Variants in NUP214 observed in about 807,000 individuals in gnomAD.
NUP214 encodes the protein nucleoporin 214.
In NUP214, 79 loss-of-function variants were observed where a neutral mutation model predicts 196.2. That is an observed-to-expected ratio of 0.40 (90% CI 0.34 to 0.49). The LOEUF (loss-of-function observed/expected upper bound fraction) is 0.49. NUP214 is among the 20% of genes least tolerant of loss of function. The probability of loss-of-function intolerance (pLI) is 0.58; values close to 1 mark genes in which losing one functional copy is unlikely to be tolerated. For missense variants in NUP214, 2,468 were observed against 2,539.0 expected, an observed-to-expected ratio of 0.97 and a Z score of 0.60; for synonymous variants, 1,020 against 990.5, an observed-to-expected ratio of 1.03 and a Z score of -0.56.
chr9:131,205,708 T>C (rs1834057075), intron 30 of NUP214, among the ~76,000 whole-genome samples: 1 of 152,164 alleles, frequency 6.6e-6, no homozygotes, highest in Non-Finnish European at 1.5e-5. Context: ...TGTTGTTTTG[T>C]TTTTGAGACG....
At position 131,228,218 on chromosome 9, in the gene NUP214, G is replaced by A. The variant is rs779015819; in HGVS notation, c.5961G>A (p.Gly1987=). 4.4e-6 allele frequency: 7 copies of A among 1,605,926 alleles called. No homozygotes were observed. Among genetic ancestry groups the A allele is most frequent in the Non-Finnish European group, 5.9e-6 (7 of 1,176,942 alleles). Residue 1987 remains glycine (G), a synonymous_variant, in exon 33 of 36, where the codon GGG becomes GGA. Coordinates refer to ENST00000359428, the MANE Select transcript of NUP214 (RefSeq NM_005085.4). ...CTCCTACTTTTGGGGGATCCCCTGGGTTTGGAGGGGTGCCAGCATTCGGTT... is the reference window on the plus strand; with the variant it reads ...CTCCTACTTTTGGGGGATCCCCTGGATTTGGAGGGGTGCCAGCATTCGGTT... ...GSPPTFGGSP[G]FGGVPAFGSA... is the part of the protein sequence containing the mutation.
intron 4 of NUP214, among the ~76,000 whole-genome samples, chr9:131,130,034 T>G (rs1423158128): frequency 5.9e-5 from 9 of 152,120 alleles, no homozygotes; most frequent in Non-Finnish European, 1.3e-4. Context: ...TGGGAATAAT[T>G]GTTTCTGGAT....
At position 131,144,282 on chromosome 9, in the gene NUP214, A is replaced by G; in HGVS notation, c.1297A>G (p.Ser433Gly). ...EGERQPKSPGSTPTTPTSSQA... is the reference protein window; with the variant it reads ...EGERQPKSPGGTPTTPTSSQA... ...CCTTCCTTTTTTTGTCACTGCAGGA[A>G]GTACTCCCACTACCCCAACCTCCTC... Residue 433 changes from serine to glycine, a missense_variant and splice_region_variant, in exon 12 of 36, where the codon AGT becomes GGT. Transcript: ENST00000359428. The G allele has an allele frequency of 1.9e-6, 3 of 1,611,540 alleles. No homozygotes were observed. The highest frequency in any genetic ancestry group is 2.5e-6 in the Non-Finnish European group (3 of 1,178,378).
chr9:131,229,641 A>G (rs1482577744), intron 33 of NUP214: 1 of 488,914 alleles, frequency 2.0e-6, no homozygotes, highest in East Asian at 5.6e-5. Flanking sequence ...AATCTCCATA[A>G]GAGCCCATTA....
At chr9:131,194,691 G>A (rs72768589) in intron 27 of NUP214, among the ~76,000 whole-genome samples, 2,371 of 152,284 alleles carry the variant, frequency 0.016, 40 homozygotes, top group Non-Finnish European at 0.023. Flanking sequence ...TTTCCTAGCC[G>A]TAAAACTCAG....
chr9:131,216,758 C>G (rs1834411475), intron 31 of NUP214, among the ~76,000 whole-genome samples: 1 of 150,562 alleles, frequency 6.6e-6, no homozygotes, highest in Admixed American at 6.6e-5. Context: ...AACCCCTGAC[C>G]TCAGGTGATC....
Position 131,129,509 on chromosome 9 carries a change from A to C in NUP214, c.592+32A>C, listed in dbSNP as rs764583849. The C allele has an allele frequency of 1.9e-6, 3 of 1,585,182 alleles. No individual in the cohort carries two copies. In the Admixed American group the frequency reaches 5.0e-5, roughly 27 times the overall value. On this transcript the variant is annotated intron_variant, in intron 4 of 35. Coordinates refer to ENST00000359428, the MANE Select transcript of NUP214 (RefSeq NM_005085.4). ...AATAAAGGCTTTCACACTGTAGCAT[A>C]CAATCATGGTCATCTACTTAAGAAT...
At chr9:131,206,665 ACTCCTGGCCCAAGTGATC>A (rs1215795391) in intron 30 of NUP214, among the ~76,000 whole-genome samples, 1 of 151,404 alleles carries the variant, frequency 6.6e-6, no homozygotes, top group African/African-American at 2.4e-5. Context: ...CTGGTCTGTA[ACTCCTGGCCCAAGTGATC>A]CTCCCACCTG....
At chr9:131,178,646 C>G (rs1382364752) in intron 24 of NUP214, among the ~76,000 whole-genome samples, 2 of 151,276 alleles carry the variant, frequency 1.3e-5, no homozygotes. Flanking sequence ...GCTGTATGCT[C>G]AGTTTCTGTT....
intron 14 of NUP214, 57 bp from the exon 15 acceptor site, chr9:131,150,266 TA>T (rs1160285051): frequency 1.4e-6 from 2 of 1,450,348 alleles, no homozygotes; most frequent in African/African-American, 2.8e-5. Context: ...TAGGCTCTGA[TA>T]TAATTGCTTG....
Position 131,233,695 on chromosome 9 carries a change from T to C in NUP214, c.*208T>C. ...TTCCCTCCCACTATTAAACAGTCTGTTTCCGTACAGAACGTATGTGGGTTT... is the reference window on the plus strand; with the variant it reads ...TTCCCTCCCACTATTAAACAGTCTGCTTCCGTACAGAACGTATGTGGGTTT... On this transcript the variant is annotated 3_prime_UTR_variant, in exon 36 of 36. Coordinates refer to ENST00000359428, the MANE Select transcript of NUP214 (RefSeq NM_005085.4). 1.6e-6 allele frequency: 1 copy of C among 635,868 alleles called. No individual in the cohort carries two copies. The highest frequency in any genetic ancestry group is 1.6e-5 in the South Asian group (1 of 62,724). 39.4% of individuals were successfully genotyped at this position (635,868 alleles called of 1,614,324 possible).
intron 16 of NUP214, 138 bp downstream of exon 16, chr9:131,150,903 C>T: frequency 1.3e-6 from 1 of 788,684 alleles, no homozygotes; most frequent in Non-Finnish European, 2.0e-6. Context: ...GAGTAGCTTG[C>T]CTAGAATCCC....
chr9:131,184,658 A>T (rs567984911), intron 24 of NUP214, among the ~76,000 whole-genome samples: 2 of 151,966 alleles, frequency 1.3e-5, no homozygotes, highest in Admixed American at 6.6e-5. Flanking sequence ...TTTAATGTGG[A>T]TTTTTTCAAA....
chr9:131,133,283 A>G (rs1406633193), intron 7 of NUP214, 74 bp downstream of exon 7: 1 of 908,266 alleles, frequency 1.1e-6, no homozygotes. Flanking sequence ...CTTTGATTTC[A>G]AGGGGTTTTT....
intron 9 of NUP214, among the ~76,000 whole-genome samples, chr9:131,138,971 A>T (rs1831823900): frequency 6.6e-6 from 1 of 152,206 alleles, no homozygotes; most frequent in Non-Finnish European, 1.5e-5. Flanking sequence ...CCTAGTTGTC[A>T]TGGAAGGTAC....
In NUP214 at chr9:131,139,255, CTTTTTTT is replaced by C. The variant is rs200377608; in HGVS notation, c.1006-9_1006-3del. 33 of 1,093,062 alleles carry C rather than the reference CTTTTTTT, an allele frequency of 3.0e-5. No homozygotes were observed. The highest frequency in any genetic ancestry group is 1.7e-4 in the African/African-American group (8 of 47,068). 67.7% of individuals were successfully genotyped at this position (1,093,062 alleles called of 1,614,324 possible). A position where few individuals can be genotyped will look rare whatever the true frequency, so the allele number is the denominator to read the frequency against. The stretch of plus-strand genomic sequence containing the variant: ...CTTTTTCTTTTTTCTTCTTCTTCTT[CTTTTTTT>C]TTTTTTTTTTTTTTTTAGATTAATT... On this transcript the variant is annotated intron_variant, in intron 9 of 35. Transcript: ENST00000359428.
chr9:131,130,132 G>GTTTTTTTTTTTTTTTTTTTTTTTTTTTTT (rs1245763919), intron 4 of NUP214, among the ~76,000 whole-genome samples: 2 of 46,552 alleles, frequency 4.3e-5, no homozygotes, highest in African/African-American at 7.1e-5. Flanking sequence ...ATGATTTCTG[G>GTTTTTTTTTTTTTTTTTTTTTTTTTTTTT]TTTTGTTTTT....
intron 24 of NUP214, among the ~76,000 whole-genome samples, chr9:131,180,788 C>G (rs367881627): frequency 1.3e-5 from 2 of 152,126 alleles, no homozygotes; most frequent in African/African-American, 4.8e-5. Context: ...AGAAGACAGC[C>G]GGGAAACTGC....
At chr9:131,154,835 G>T (rs1251837662) in intron 17 of NUP214, among the ~76,000 whole-genome samples, 1 of 152,184 alleles carries the variant, frequency 6.6e-6, no homozygotes, top group African/African-American at 2.4e-5. Flanking sequence ...TTGTGTGTGT[G>T]TGTGTGTGCG....
Sources: allele counts gnomAD v4.1 joint callset (sites outside exome capture counted in the v4.1 genomes callset), GRCh38; gene constraint gnomAD v4.1.1; transcripts MANE v1.5; gene names NCBI Gene and HGNC (gene_info 2026-07-23, HGNC 2026-07-21).